The following PLA2R1 variants were observed in gnomAD, a reference collection of about 807,000 sequenced individuals.
The protein encoded by PLA2R1 is secretory phospholipase A2 receptor.
PLA2R1 carries 158 observed loss-of-function variants against 195.9 expected under a neutral mutation model. The ratio of observed to expected loss-of-function variants is 0.81; its 90% CI spans 0.71 to 0.92. The LOEUF is 0.92. Among genes scored for constraint, PLA2R1 ranks in the 40% least tolerant of loss-of-function variants. The pLI is 0.00. For synonymous variants in PLA2R1, 586 were observed against 598.2 expected, an observed-to-expected ratio of 0.98 and a Z score of 0.30; for missense variants, 1,626 against 1,764.6, an observed-to-expected ratio of 0.92 and a Z score of 1.41.
intron 12 of PLA2R1, among the ~76,000 whole-genome samples, chr2:159,986,251 T>C (rs773027272): frequency 5.9e-5 from 9 of 152,150 alleles, no homozygotes; most frequent in Non-Finnish European, 8.8e-5. Flanking sequence ...TTAGAGCATT[T>C]TGGAGTTTGA....
chr2:159,926,590 G>C, the PLA2R1 span, among the ~76,000 whole-genome samples: 1 of 152,312 alleles, frequency 6.6e-6, no homozygotes, highest in African/African-American at 2.4e-5. Context: ...GCTAAATAGT[G>C]AGCCATTCCA....
Position 160,033,008 on chromosome 2 carries a change from T to G in PLA2R1, c.792A>C (p.Gly264=). The change falls in exon 4 of 30, where the codon GGA becomes GGC. Residue 264 remains glycine, a synonymous_variant. Transcript: ENST00000283243. The part of the protein sequence containing the change: ...SEAHSSCQMQ[G]GTLLSITDET... ...CATCTGTAATACTTAACAGCGTACCTCCTTGCATCTGGCATGAAGAATGTG... is the reference window on the plus strand; with the variant it reads ...CATCTGTAATACTTAACAGCGTACCGCCTTGCATCTGGCATGAAGAATGTG... The G allele has an allele frequency of 6.2e-7, 1 of 1,613,602 alleles. No individual in the cohort carries two copies. Among genetic ancestry groups the G allele is most frequent in the Non-Finnish European group, 8.5e-7 (1 of 1,179,708 alleles).
At chr2:160,061,540 G>T (rs766292610) in intron 1 of PLA2R1, among the ~76,000 whole-genome samples, 1 of 152,144 alleles carries the variant, frequency 6.6e-6, no homozygotes, top group African/African-American at 2.4e-5. Flanking sequence ...TTGGGAGGAC[G>T]AGGTGGGCGG....
At chr2:159,925,561 C>CAAAAA in the PLA2R1 span, among the ~76,000 whole-genome samples, 3 of 136,080 alleles carry the variant, frequency 2.2e-5, no homozygotes, top group Non-Finnish European at 4.6e-5. Flanking sequence ...GGAATCAAAG[C>CAAAAA]AAAAAAAAAA....
intron 4 of PLA2R1, among the ~76,000 whole-genome samples, chr2:160,029,387 G>A (rs1693717629): frequency 6.6e-6 from 1 of 152,026 alleles, no homozygotes; most frequent in African/African-American, 2.4e-5. Flanking sequence ...ATCAGGGAGG[G>A]GTGTACAGTG....
intron 3 of PLA2R1, among the ~76,000 whole-genome samples, chr2:160,041,444 T>C (rs1314240930): frequency 6.6e-6 from 1 of 152,136 alleles, no homozygotes; most frequent in African/African-American, 2.4e-5. Context: ...CCATTGAACT[T>C]TGAAAATCAA....
In PLA2R1 at chr2:159,969,310, C is replaced by T; in HGVS notation, c.2710G>A (p.Glu904Lys). 6.2e-7 allele frequency: 1 copy of T among 1,609,986 alleles called. No homozygotes were observed. The change falls in exon 19 of 30, where the codon GAA becomes AAA. Residue 904 changes from glutamate (E) to lysine (K), a missense_variant. Glu to Lys is a moderately conservative substitution (Grantham distance 56). Coordinates refer to ENST00000283243, the MANE Select transcript of PLA2R1 (RefSeq NM_007366.5). Reference protein sequence around the residue: ...VIYQNWDTGRERTVNNQSQRC... With the variant: ...VIYQNWDTGRKRTVNNQSQRC... ...TGGCTCTGATTATTCACAGTTCTTTCTCTTCCTGTGTCCCAGTTCTGGTAT... is the reference window on the plus strand; with the variant it reads ...TGGCTCTGATTATTCACAGTTCTTTTTCTTCCTGTGTCCCAGTTCTGGTAT...
At chr2:159,952,285 G>A (rs564610351) in intron 23 of PLA2R1, among the ~76,000 whole-genome samples, 2 of 152,218 alleles carry the variant, frequency 1.3e-5, no homozygotes, top group East Asian at 3.9e-4. Context: ...TGAAAACCAA[G>A]CCTGTGTTTA....
the PLA2R1 span, among the ~76,000 whole-genome samples, chr2:159,925,072 GC>G: frequency 1.3e-5 from 2 of 152,014 alleles, no homozygotes; most frequent in Non-Finnish European, 2.9e-5. Context: ...TCTTATATCT[GC>G]CCCCTTTCCC....
chr2:160,055,670 C>T (rs1243795828), intron 1 of PLA2R1, among the ~76,000 whole-genome samples: 4 of 152,164 alleles, frequency 2.6e-5, no homozygotes, highest in Non-Finnish European at 4.4e-5. Context: ...GTTCGAATCC[C>T]CATGCTGCAA....
At chr2:159,981,034 G>T (rs1689910333) in intron 13 of PLA2R1, among the ~76,000 whole-genome samples, 1 of 152,094 alleles carries the variant, frequency 6.6e-6, no homozygotes, top group Admixed American at 6.6e-5. Flanking sequence ...AATCTCGATG[G>T]CATAGGCTGA....
In PLA2R1 at chr2:160,043,542, G is replaced by A. The variant is rs145419144; in HGVS notation, c.493+1232C>T. 8.2e-3 allele frequency among the ~76,000 whole-genome samples: 1,250 copies of A among 152,282 alleles called. 7 individuals are homozygous for A. The highest frequency in any genetic ancestry group is 0.014 in the Middle Eastern group (4 of 294). ...AGGGGCTGACCTGAGCTCATGACATGTCACCAGTCACCAGCCTTAGCAGTT... is the reference window on the plus strand; with the variant it reads ...AGGGGCTGACCTGAGCTCATGACATATCACCAGTCACCAGCCTTAGCAGTT... On this transcript the variant is annotated intron_variant, in intron 2 of 29. Coordinates refer to ENST00000283243, the MANE Select transcript of PLA2R1 (RefSeq NM_007366.5).
intron 11 of PLA2R1, among the ~76,000 whole-genome samples, chr2:159,996,111 C>T (rs1558883534): frequency 6.6e-6 from 1 of 152,090 alleles, no homozygotes; most frequent in Non-Finnish European, 1.5e-5. Flanking sequence ...ATTTTACCTT[C>T]ATTTATTCTC....
chr2:160,013,711 C>CTGTGTGTG (rs1558927364), intron 9 of PLA2R1, among the ~76,000 whole-genome samples: 11 of 91,118 alleles, frequency 1.2e-4, no homozygotes, highest in African/African-American at 4.7e-4. Context: ...CTGTCTCTCT[C>CTGTGTGTG]TCTCTCTCTC....
intron 1 of PLA2R1, 22 bp downstream of exon 1, chr2:160,062,273 T>A (rs764624806): frequency 2.1e-5 from 30 of 1,404,020 alleles, no homozygotes; most frequent in Non-Finnish European, 2.7e-5. Context: ...ACCGATCCAG[T>A]CCCCGACCCT....
chr2:160,025,507 T>A (rs1399068352), intron 6 of PLA2R1, among the ~76,000 whole-genome samples: 3 of 146,398 alleles, frequency 2.0e-5, no homozygotes, highest in Non-Finnish European at 3.0e-5. Context: ...AGTGATTGTA[T>A]GCAACTAAAG....
At chr2:160,002,050 T>G (rs115899558) in intron 11 of PLA2R1, among the ~76,000 whole-genome samples, 2 of 151,662 alleles carry the variant, frequency 1.3e-5, no homozygotes, top group Non-Finnish European at 3.0e-5. Flanking sequence ...AAAGAACACA[T>G]GCAAGGCCAT....
intron 23 of PLA2R1, among the ~76,000 whole-genome samples, chr2:159,954,449 A>G (rs1031251102): frequency 6.6e-6 from 1 of 151,680 alleles, no homozygotes; most frequent in Non-Finnish European, 1.5e-5. Context: ...GGATGAGTTG[A>G]TAGTAACATT....
chr2:159,976,608 C>T (rs966874958), intron 16 of PLA2R1, 77 bp downstream of exon 16: 6 of 894,074 alleles, frequency 6.7e-6, no homozygotes, highest in South Asian at 1.4e-5. Context: ...TGTAACAACA[C>T]ATTAATGGTA....
Sources: allele counts gnomAD v4.1 joint callset (sites outside exome capture counted in the v4.1 genomes callset), GRCh38; gene constraint gnomAD v4.1.1; transcripts MANE v1.5; gene names NCBI Gene and HGNC (gene_info 2026-07-23, HGNC 2026-07-21).